OLFM3: variants seen among roughly 807,000 people sequenced by gnomAD.
The protein encoded by OLFM3 is noelin-3.
Under a neutral mutation model 48.6 loss-of-function variants are expected in OLFM3, and 20 were observed. The observed-to-expected ratio is 0.41, with a 90% CI of 0.29 to 0.60. The LOEUF (loss-of-function observed/expected upper bound fraction) is 0.60, where lower values mean the gene tolerates loss of function less well. Among genes scored for constraint, OLFM3 ranks in the 20% least tolerant of loss-of-function variants. OLFM3 has a pLI of 0.28. For synonymous variants in OLFM3, 222 were observed against 198.1 expected (o/e 1.12, Z -1.01); for missense variants, 437 against 544.3 (o/e 0.80, Z 1.96).
intron 4 of OLFM3, among the ~76,000 whole-genome samples, chr1:101,808,802 G>A (rs1653908062): frequency 6.6e-6 from 1 of 151,662 alleles, no homozygotes; most frequent in African/African-American, 2.4e-5. Context: ...AACCGAGGAT[G>A]GCCAGATATT....
chr1:101,913,173 G>A (rs951728750), intron 1 of OLFM3, among the ~76,000 whole-genome samples: 1 of 152,144 alleles, frequency 6.6e-6, no homozygotes, highest in South Asian at 2.1e-4. Flanking sequence ...ATCTGACTTA[G>A]TCATAATTGC....
intron 1 of OLFM3, among the ~76,000 whole-genome samples, chr1:101,895,868 A>G (rs1658180000): frequency 6.6e-6 from 1 of 152,018 alleles, no homozygotes; most frequent in Non-Finnish European, 1.5e-5. Flanking sequence ...TGTGGTAAAT[A>G]TATTACTTTT....
At chr1:101,939,866 T>A (rs1297447924) in intron 1 of OLFM3, among the ~76,000 whole-genome samples, 1 of 152,174 alleles carries the variant, frequency 6.6e-6, no homozygotes, top group Non-Finnish European at 1.5e-5. Flanking sequence ...TTTTGAGTGA[T>A]CAAACTTTAT....
rs1370095046 is a variant in OLFM3 at position 101,939,840 on chromosome 1, C to G, written c.69+56908G>C. Among the ~76,000 whole-genome samples the G allele has an allele frequency of 2.0e-5, 3 of 152,086 alleles. No individual in the cohort carries two copies. The East Asian group carries it at 5.8e-4, about 29-fold the overall frequency. On this transcript the variant is annotated intron_variant, in intron 1 of 5. Coordinates refer to ENST00000370103, the MANE Select transcript of OLFM3 (RefSeq NM_058170.4). The stretch of plus-strand genomic sequence containing the variant: ...TTTTGTTGGTGAGAGGTTATACTTA[C>G]ATTGTTTTTAGGGTATTTTGAGTGA...
chr1:101,830,958 C>T (rs1305728449), intron 2 of OLFM3, 131 bp from the exon 3 acceptor site: 6 of 674,972 alleles, frequency 8.9e-6, no homozygotes, highest in Non-Finnish European at 1.5e-5. Context: ...CCATATGACA[C>T]ATTTTCAGAA....
chr1:101,863,410 A>G (rs1656731710), intron 1 of OLFM3, among the ~76,000 whole-genome samples: 1 of 152,220 alleles, frequency 6.6e-6, no homozygotes, highest in South Asian at 2.1e-4. Context: ...CAGCCCTTCA[A>G]ATATCAAGCT....
At chr1:101,994,429 T>C (rs1322894133) in intron 1 of OLFM3, among the ~76,000 whole-genome samples, 13 of 150,660 alleles carry the variant, frequency 8.6e-5, no homozygotes, top group Admixed American at 6.6e-4. Context: ...TTTCACCATA[T>C]ATAATTTGCT....
At chr1:101,806,327 C>A in intron 4 of OLFM3, 145 bp from the exon 5 acceptor site, 1 of 648,666 alleles carries the variant, frequency 1.5e-6, no homozygotes, top group South Asian at 1.9e-5. Context: ...TGATTATTCA[C>A]AATGGGTGCT....
At chr1:101,966,756 T>C in intron 1 of OLFM3, among the ~76,000 whole-genome samples, 1 of 101,228 alleles carries the variant, frequency 9.9e-6, no homozygotes, top group Non-Finnish European at 2.1e-5. Flanking sequence ...TGGCTTGGCG[T>C]TCTCCTTTTT....
intron 1 of OLFM3, among the ~76,000 whole-genome samples, chr1:101,942,913 AG>A (rs1393638680): frequency 6.6e-6 from 1 of 152,170 alleles, no homozygotes; most frequent in African/African-American, 2.4e-5. Flanking sequence ...GTGACTCCTG[AG>A]AGTCACTATT....
intron 1 of OLFM3, among the ~76,000 whole-genome samples, chr1:101,863,917 C>CCT (rs1228833485): frequency 1.3e-5 from 2 of 152,082 alleles, no homozygotes; most frequent in African/African-American, 4.8e-5. Context: ...ATTCACTATC[C>CCT]CTAACTGCTA....
At chr1:101,889,410 C>T (rs1035905561) in intron 1 of OLFM3, among the ~76,000 whole-genome samples, 4 of 152,048 alleles carry the variant, frequency 2.6e-5, no homozygotes, top group Admixed American at 6.6e-5. Context: ...GGACAGAAAG[C>T]GAAACACCGC....
At chr1:101,929,698 C>T (rs977739684) in intron 1 of OLFM3, among the ~76,000 whole-genome samples, 1 of 152,016 alleles carries the variant, frequency 6.6e-6, no homozygotes, top group Non-Finnish European at 1.5e-5. Context: ...AACTTTCTGC[C>T]ACACAAAATA....
chr1:101,806,225 A>G (rs1172569800), intron 4 of OLFM3, 43 bp from the exon 5 acceptor site: 4 of 1,440,922 alleles, frequency 2.8e-6, no homozygotes, highest in Non-Finnish European at 3.9e-6. Context: ...AACGCAGCCA[A>G]TGATTCCAAT....
At chr1:101,967,425 G>T (rs769853761) in intron 1 of OLFM3, among the ~76,000 whole-genome samples, 31 of 151,778 alleles carry the variant, frequency 2.0e-4, no homozygotes, top group Admixed American at 5.3e-4. Flanking sequence ...AAAAAACAAT[G>T]GCTTAAGAAA....
intron 1 of OLFM3, among the ~76,000 whole-genome samples, chr1:101,908,270 C>T (rs927292180): frequency 6.6e-6 from 1 of 152,174 alleles, no homozygotes; most frequent in African/African-American, 2.4e-5. Flanking sequence ...TCTCAACAGC[C>T]ATATTGTTCT....
chr1:101,849,418 T>A lies in OLFM3; in HGVS notation c.70-12393A>T, dbSNP rs1351854821. On this transcript the variant is annotated intron_variant, in intron 1 of 5. Coordinates refer to ENST00000370103, the MANE Select transcript of OLFM3 (RefSeq NM_058170.4). Reference sequence around the variant, plus strand: ...GTGTGAATGGTAATGATATTACCACTGGCAATGAGATGAAGCTGGAAATGC... The same window carrying A: ...GTGTGAATGGTAATGATATTACCACAGGCAATGAGATGAAGCTGGAAATGC... Among the ~76,000 whole-genome samples, 9 of 152,230 alleles carry A rather than the reference T, an allele frequency of 5.9e-5. 1 individual carries two copies. The highest frequency in any genetic ancestry group is 2.2e-4 in the African/African-American group (9 of 41,460).
chr1:101,935,973 C>T (rs938535532), intron 1 of OLFM3, among the ~76,000 whole-genome samples: 4 of 152,242 alleles, frequency 2.6e-5, no homozygotes, highest in Admixed American at 1.3e-4. Context: ...GAACATGCCT[C>T]AAAATAATAA....
intron 1 of OLFM3, among the ~76,000 whole-genome samples, chr1:101,946,885 G>A (rs1009075346): frequency 6.6e-6 from 1 of 152,080 alleles, no homozygotes; most frequent in Non-Finnish European, 1.5e-5. Context: ...TAAATACATA[G>A]TACACAGTGA....
Sources: allele counts gnomAD v4.1 joint callset (sites outside exome capture counted in the v4.1 genomes callset), GRCh38; gene constraint gnomAD v4.1.1; transcripts MANE v1.5; gene names NCBI Gene and HGNC (gene_info 2026-07-23, HGNC 2026-07-21).